Variants in VEPH1 observed in about 807,000 individuals in gnomAD.
VEPH1 encodes the protein ventricular zone-expressed PH domain-containing protein homolog 1.
In VEPH1, 80 loss-of-function variants were observed where a neutral mutation model predicts 85.2. The observed-to-expected ratio is 0.94, with a 90% CI of 0.78 to 1.13. The LOEUF (loss-of-function observed/expected upper bound fraction) is 1.13. Among genes scored for constraint, VEPH1 ranks in the 50% most tolerant of loss-of-function variants. The probability of loss-of-function intolerance (pLI) is 0.00; values close to 1 mark genes in which losing one functional copy is unlikely to be tolerated. For synonymous variants in VEPH1, 297 were observed against 348.0 expected, an observed-to-expected ratio of 0.85 and a Z score of 1.63; for missense variants, 955 against 980.5, an observed-to-expected ratio of 0.97 and a Z score of 0.35.
intron 4 of VEPH1, among the ~76,000 whole-genome samples, chr3:157,432,906 CT>C (rs1733278700): frequency 1.3e-5 from 2 of 152,002 alleles, no homozygotes; most frequent in Non-Finnish European, 2.9e-5. Context: ...CTATGTAGAT[CT>C]TTTTATGTTT....
intron 6 of VEPH1, among the ~76,000 whole-genome samples, chr3:157,397,275 G>T (rs1366960624): frequency 1.3e-5 from 2 of 152,138 alleles, no homozygotes; most frequent in Non-Finnish European, 2.9e-5. Context: ...TCTCTATTCT[G>T]TTCCATTGGT....
chr3:157,403,917 A>T (rs549348366), intron 6 of VEPH1, among the ~76,000 whole-genome samples: 44 of 152,218 alleles, frequency 2.9e-4, no homozygotes, highest in African/African-American at 1.0e-3. Context: ...TTACACTTTC[A>T]TGTGCATACA....
intron 3 of VEPH1, among the ~76,000 whole-genome samples, chr3:157,469,702 G>A (rs1396568461): frequency 6.6e-6 from 1 of 152,188 alleles, no homozygotes; most frequent in Admixed American, 6.5e-5. Flanking sequence ...GTCATTTAAT[G>A]TGCATTTCAC....
intron 8 of VEPH1, 152 bp from the exon 9 acceptor site, chr3:157,363,913 G>T: frequency 1.1e-6 from 1 of 926,834 alleles, no homozygotes; most frequent in Non-Finnish European, 1.5e-6. Flanking sequence ...AATAAATGAT[G>T]TAATAAACCA....
intron 7 of VEPH1, among the ~76,000 whole-genome samples, chr3:157,369,180 G>GAA (rs58451868): frequency 0.03 from 1,281 of 42,696 alleles, 131 homozygotes; most frequent in African/African-American, 0.075. Flanking sequence ...AAAACCAAAT[G>GAA]AAAAAAAAAA....
intron 7 of VEPH1, among the ~76,000 whole-genome samples, chr3:157,378,661 T>C (rs1291762513): frequency 6.6e-6 from 1 of 152,092 alleles, no homozygotes; most frequent in Non-Finnish European, 1.5e-5. Context: ...AGAAAAGGAA[T>C]TTACCGACTC....
In VEPH1 at chr3:157,369,196, A is replaced by C. The variant is rs1010647109; in HGVS notation, c.1128-4684T>G. On this transcript the variant is annotated intron_variant, in intron 7 of 13. Coordinates refer to ENST00000362010, the MANE Select transcript of VEPH1 (RefSeq NM_001167912.2). ...AAACCAAATGAAAAAAAAAAAAAAA[A>C]AAAAAAAACCTCCTGAGGTCTACCA... is the stretch of plus-strand genomic sequence containing the variant. Among the ~76,000 whole-genome samples the C allele has an allele frequency of 1.3e-4, 19 of 147,808 alleles. 1 individual carries two copies. Among genetic ancestry groups the C allele is most frequent in the African/African-American group, 3.9e-4 (16 of 40,526 alleles).
chr3:157,402,470 T>G (rs2124497), intron 6 of VEPH1, among the ~76,000 whole-genome samples: 102,089 of 152,046 alleles, frequency 0.67, 34,652 homozygotes, highest in South Asian at 0.75. Context: ...AAGGAAGAGC[T>G]GGAGAGAATG....
chr3:157,305,753 C>T (rs1041437407), intron 11 of VEPH1, among the ~76,000 whole-genome samples: 3 of 152,154 alleles, frequency 2.0e-5, no homozygotes, highest in African/African-American at 4.8e-5. Context: ...CAAGCCAGCA[C>T]TGATTATTGT....
intron 2 of VEPH1, among the ~76,000 whole-genome samples, chr3:157,490,326 G>C (rs529880747): frequency 6.6e-6 from 1 of 151,880 alleles, no homozygotes; most frequent in Non-Finnish European, 1.5e-5. Context: ...ATCAGAGTGA[G>C]ATATGCAACC....
rs1451028971 is a variant in VEPH1, at chr3:157,333,376, G to A, written c.1736-16175C>T. Among the ~76,000 whole-genome samples the A allele has an allele frequency of 5.9e-5, 9 of 152,274 alleles. No individual in the cohort carries two copies. The East Asian group carries it at 1.2e-3, about 20-fold the overall frequency. Reference sequence around the variant, plus strand: ...TTTTTCCTACCAGGTACTCTTGATGGTTGCCAAATACAAGTTAGATGTCCA... The same window carrying A: ...TTTTTCCTACCAGGTACTCTTGATGATTGCCAAATACAAGTTAGATGTCCA... On this transcript the variant is annotated intron_variant, in intron 9 of 13. Coordinates refer to ENST00000362010, the MANE Select transcript of VEPH1 (RefSeq NM_001167912.2).
At chr3:157,489,931 T>C (rs1243763931) in intron 2 of VEPH1, among the ~76,000 whole-genome samples, 1 of 151,896 alleles carries the variant, frequency 6.6e-6, no homozygotes, top group Non-Finnish European at 1.5e-5. Context: ...TTGGAAAATA[T>C]AATTTTAAAA....
intron 12 of VEPH1, among the ~76,000 whole-genome samples, chr3:157,274,843 TC>T (rs1715177659): frequency 6.6e-6 from 1 of 152,256 alleles, no homozygotes; most frequent in African/African-American, 2.4e-5. Context: ...CATTGAAACT[TC>T]CATTTACAAG....
chr3:157,443,285 T>C (rs1577672955), intron 4 of VEPH1: 6 of 252,556 alleles, frequency 2.4e-5, no homozygotes, highest in East Asian at 1.5e-4. Flanking sequence ...AGAGGGACAA[T>C]TGTTTTACTT....
At chr3:157,294,736 T>C (rs1386038232) in intron 11 of VEPH1, among the ~76,000 whole-genome samples, 2 of 152,238 alleles carry the variant, frequency 1.3e-5, no homozygotes, top group African/African-American at 4.8e-5. Context: ...TTTTTGTGTT[T>C]CTGCACAGTT....
At chr3:157,313,507 T>A in intron 11 of VEPH1, 114 bp downstream of exon 11, 2 of 1,246,044 alleles carry the variant, frequency 1.6e-6, no homozygotes, top group Non-Finnish European at 2.2e-6. Flanking sequence ...ATGATAATAA[T>A]AAAAGAAAGG....
chr3:157,292,644 A>G (rs1717627527), intron 11 of VEPH1, among the ~76,000 whole-genome samples: 1 of 151,496 alleles, frequency 6.6e-6, no homozygotes. Flanking sequence ...GTGAGCTGAG[A>G]TCTCACCACT....
chr3:157,443,769 G>T (rs868147363), intron 4 of VEPH1: 2 of 152,162 alleles, frequency 1.3e-5, no homozygotes, highest in Non-Finnish European at 2.9e-5. Context: ...TCATAAGCAA[G>T]AAATATTATC....
At chr3:157,478,551 C>T (rs925074103) in intron 2 of VEPH1, among the ~76,000 whole-genome samples, 3 of 152,152 alleles carry the variant, frequency 2.0e-5, no homozygotes, top group African/African-American at 7.2e-5. Context: ...ATGAAAAATA[C>T]ATGACAGTCA....
Sources: allele counts gnomAD v4.1 joint callset (sites outside exome capture counted in the v4.1 genomes callset), GRCh38; gene constraint gnomAD v4.1.1; transcripts MANE v1.5; gene names NCBI Gene and HGNC (gene_info 2026-07-23, HGNC 2026-07-21).